The following PLXNA4 variants were observed in gnomAD, a reference collection of about 807,000 sequenced individuals.
PLXNA4 encodes plexin A4.
In PLXNA4, 44 loss-of-function variants were observed where a neutral mutation model predicts 191.8. That is an observed-to-expected ratio of 0.23 (90% CI 0.18 to 0.29). The LOEUF (loss-of-function observed/expected upper bound fraction) is 0.29, where lower values mean the gene tolerates loss of function less well. Ranked by LOEUF, PLXNA4 falls within the 10% of genes least tolerant of loss-of-function variation. The pLI, the probability that PLXNA4 is intolerant of heterozygous loss-of-function variation, is 1.00. For synonymous variants in PLXNA4, 1,082 were observed against 1,009.5 expected, an observed-to-expected ratio of 1.07 and a Z score of -1.36; for missense variants, 1,800 against 2,488.8, an observed-to-expected ratio of 0.72 and a Z score of 5.89.
intron 3 of PLXNA4, among the ~76,000 whole-genome samples, chr7:132,447,759 G>A (rs187604026): frequency 6.6e-6 from 1 of 152,000 alleles, no homozygotes. Context: ...AGGCCGAGTT[G>A]GGCAGATCAC....
Position 132,179,809 on chromosome 7 carries a change from A to G in PLXNA4, c.3752T>C (p.Ile1251Thr). ...GGCAATGAGCACGGCCACGATGAAA[A>G]TGATGAGGAGGCCGCCAGCCACTGC... The part of the protein sequence containing the change: ...SIAVAGGLLI[I>T]FIVAVLIAYK... The change falls in exon 20 of 32, where the codon ATT becomes ACT. Residue 1251 changes from isoleucine to threonine, a missense_variant. Coordinates refer to ENST00000321063, the MANE Select transcript of PLXNA4 (RefSeq NM_020911.2). 6.2e-7 allele frequency: 1 copy of G among 1,613,512 alleles called. No homozygotes were observed. Among genetic ancestry groups the G allele is most frequent in the Admixed American group, 1.7e-5 (1 of 59,994 alleles).
At chr7:132,466,478 G>A (rs527864158) in intron 3 of PLXNA4, among the ~76,000 whole-genome samples, 50 of 152,340 alleles carry the variant, frequency 3.3e-4, no homozygotes, top group African/African-American at 1.2e-3. Context: ...CTGTTCTGAG[G>A]GTTGAAAGAG....
chr7:132,557,677 C>T (rs1156985283), intron 1 of PLXNA4, among the ~76,000 whole-genome samples: 1 of 152,004 alleles, frequency 6.6e-6, no homozygotes, highest in Non-Finnish European at 1.5e-5. Context: ...CTGTGCCTAC[C>T]AAGCAATATG....
rs1185933182 is a variant in PLXNA4 at position 132,187,489 on chromosome 7, T to C, written c.2975A>G (p.Gln992Arg). ...GAGTTACCTGTGGAAGAGACAGGGC[T>C]GCTTTCCAAACATCACCACCACGTT... ...GSNVVVMFGK[Q>R]PCLFHRRSPS... Residue 992 changes from glutamine to arginine, a missense_variant, in exon 15 of 32, where the codon CAG becomes CGG. By Grantham distance (43) the Gln-to-Arg change is conservative (BLOSUM62 1). Around this residue, in one of 6 missense-constraint regions of PLXNA4, gnomAD observed 1,397 missense variants for 1,880.4 expected, o/e 0.74. Coordinates refer to ENST00000321063, the MANE Select transcript of PLXNA4 (RefSeq NM_020911.2). 4 of 1,614,042 alleles carry C rather than the reference T, an allele frequency of 2.5e-6. No individual in the cohort carries two copies. The highest frequency in any genetic ancestry group is 3.4e-6 in the Non-Finnish European group (4 of 1,179,938).
chr7:132,503,094 A>G (rs554526658), intron 2 of PLXNA4, among the ~76,000 whole-genome samples: 10 of 152,282 alleles, frequency 6.6e-5, no homozygotes, highest in East Asian at 3.9e-4. Context: ...TCCCATACCC[A>G]TGGCTCAATC....
At chr7:132,138,560 T>C (rs1021424593) in intron 30 of PLXNA4, among the ~76,000 whole-genome samples, 2 of 152,214 alleles carry the variant, frequency 1.3e-5, no homozygotes, top group Admixed American at 6.5e-5. Context: ...CTGTCTGTGC[T>C]GTTTTCTCGA....
chr7:132,514,344 C>T (rs1326505265), intron 1 of PLXNA4, among the ~76,000 whole-genome samples: 4 of 152,178 alleles, frequency 2.6e-5, no homozygotes, highest in Non-Finnish European at 5.9e-5. Flanking sequence ...AGCCACTGTG[C>T]CTGGCCGGTG....
At position 132,437,247 on chromosome 7, in the gene PLXNA4, T is replaced by C. The variant is rs554726875; in HGVS notation, c.1371+52045A>G. ...TCTTCAAAGACAATCAGAAGTGCAA[T>C]AGTCAGAACATGGCGCATAGGAAGA... On this transcript the variant is annotated intron_variant, in intron 3 of 31. Coordinates refer to ENST00000321063, the MANE Select transcript of PLXNA4 (RefSeq NM_020911.2). Among the ~76,000 whole-genome samples the C allele has an allele frequency of 3.6e-3, 548 of 152,266 alleles. 7 individuals are homozygous for C. Among genetic ancestry groups the C allele is most frequent in the Non-Finnish European group, 4.8e-3 (328 of 68,018 alleles).
chr7:132,200,213 C>T (rs1048480262), intron 12 of PLXNA4, among the ~76,000 whole-genome samples: 13 of 152,268 alleles, frequency 8.5e-5, no homozygotes, highest in East Asian at 5.8e-4. Flanking sequence ...TTTAATTTGC[C>T]GTCTCCTCCC....
In PLXNA4 at chr7:132,180,604, G is replaced by A. The variant is rs748028600; in HGVS notation, c.3621C>T (p.Ile1207=). Residue 1207 remains isoleucine, a synonymous_variant, in exon 19 of 32, where the codon ATC becomes ATT. Transcript: ENST00000321063. ...VQLLCESPNL[I]GRHKVMARVG... Reference sequence around the variant, plus strand: ...GCCTCACCATCACTTTGTGCCTGCCGATGAGGTTGGGGGACTCGCAGAGCA... The same window carrying A: ...GCCTCACCATCACTTTGTGCCTGCCAATGAGGTTGGGGGACTCGCAGAGCA... 40 of 1,614,046 alleles carry A rather than the reference G, an allele frequency of 2.5e-5. No individual in the cohort carries two copies. Among genetic ancestry groups the A allele is most frequent in the Admixed American group, 1.2e-4 (7 of 60,010 alleles).
chr7:132,303,249 T>A (rs1801377447), intron 3 of PLXNA4, among the ~76,000 whole-genome samples: 3 of 5,398 alleles, frequency 5.6e-4, no homozygotes, highest in Admixed American at 1.7e-3. Flanking sequence ...CAGAAGTTGA[T>A]TTTTTTTTTT....
chr7:132,287,147 GCCTCAGC>G (rs1800712785), intron 4 of PLXNA4, among the ~76,000 whole-genome samples: 1 of 152,154 alleles, frequency 6.6e-6, no homozygotes. Context: ...TGATGCTCAT[GCCTCAGC>G]CTTCCAGGTA....
At chr7:132,510,438 G>A (rs1798666583) in intron 1 of PLXNA4, among the ~76,000 whole-genome samples, 1 of 145,952 alleles carries the variant, frequency 6.9e-6, no homozygotes, top group South Asian at 2.4e-4. Context: ...AGTGCTGAAA[G>A]CCAAGGGCCT....
chr7:132,576,862 C>T (rs1430408105), upstream of PLXNA4: 3 of 151,816 alleles, frequency 2.0e-5, no homozygotes, highest in African/African-American at 4.8e-5. This position sits in a 1 kb window ranked among gnomAD's most constrained non-coding sequence, Gnocchi z 5.8. Flanking sequence ...GGCGTCACTC[C>T]GCGCCGCCCA....
chr7:132,236,909 A>T, intron 5 of PLXNA4, among the ~76,000 whole-genome samples: 1 of 152,148 alleles, frequency 6.6e-6, no homozygotes, highest in Non-Finnish European at 1.5e-5. Flanking sequence ...TGTCTCTCCA[A>T]GCCATGGATG....
chr7:132,278,512 G>T (rs927333430), intron 4 of PLXNA4, among the ~76,000 whole-genome samples: 5 of 152,192 alleles, frequency 3.3e-5, no homozygotes, highest in Admixed American at 3.3e-4. Flanking sequence ...ACCAGCCCAT[G>T]CATGGCCACA....
At chr7:132,394,479 C>G (rs1334557521) in intron 3 of PLXNA4, among the ~76,000 whole-genome samples, 1 of 152,152 alleles carries the variant, frequency 6.6e-6, no homozygotes, top group African/African-American at 2.4e-5. Context: ...CCTCTCTGAC[C>G]CTAGGTGTCC....
At chr7:132,507,437 G>C in intron 2 of PLXNA4, 69 bp downstream of exon 2, 1 of 1,489,508 alleles carries the variant, frequency 6.7e-7, no homozygotes, top group Non-Finnish European at 9.0e-7. Context: ...ACATCCCATG[G>C]GGGCTACAGG....
At chr7:132,278,509 C>T (rs1345932924) in intron 4 of PLXNA4, among the ~76,000 whole-genome samples, 1 of 152,160 alleles carries the variant, frequency 6.6e-6, no homozygotes, top group Non-Finnish European at 1.5e-5. Flanking sequence ...ACCACCAGCC[C>T]ATGCATGGCC....
Sources: gnomAD v4.1 joint callset for allele counts (sites outside exome capture counted in the v4.1 genomes callset) on GRCh38, gnomAD v4.1.1 for gene constraint, gnomAD v4.1.1 regional missense constraint, Gnocchi (gnomAD v3.1) non-coding constraint, MANE v1.5 for transcripts, NCBI Gene and HGNC (gene_info 2026-07-23, HGNC 2026-07-21) for gene names.